The following YWHAE variants were observed in gnomAD, a reference collection of about 807,000 sequenced individuals.
YWHAE encodes tyrosine 3-monooxygenase/tryptophan 5-monooxygenase activation protein epsilon, also known as 14-3-3 protein epsilon.
Under a neutral mutation model 30.1 loss-of-function variants are expected in YWHAE, and 4 were observed. That is an observed-to-expected ratio of 0.13 (90% CI 0.07 to 0.30). YWHAE has a LOEUF of 0.30. YWHAE is among the 10% of genes least tolerant of loss of function. YWHAE has a pLI of 1.00. For missense variants in YWHAE, 121 were observed against 315.9 expected, an observed-to-expected ratio of 0.38 and a Z score of 4.68; for synonymous variants, 118 against 111.8, an observed-to-expected ratio of 1.06 and a Z score of -0.35.
chr17:1,371,088 G>C (rs1269795766), intron 1 of YWHAE, among the ~76,000 whole-genome samples: 1 of 151,758 alleles, frequency 6.6e-6, no homozygotes, highest in Non-Finnish European at 1.5e-5. Flanking sequence ...GTGTGTGGTA[G>C]TGTGTGTGTG....
intron 1 of YWHAE, among the ~76,000 whole-genome samples, chr17:1,389,082 T>C (rs930321878): frequency 4.6e-5 from 7 of 152,024 alleles, no homozygotes; most frequent in African/African-American, 1.5e-4. Flanking sequence ...CTTACCACCT[T>C]GGCCTCCCAA....
At chr17:1,381,853 C>CA (rs1464120454) in intron 1 of YWHAE, among the ~76,000 whole-genome samples, 1 of 138,788 alleles carries the variant, frequency 7.2e-6, no homozygotes, top group Non-Finnish European at 1.5e-5. Context: ...GTCAAGGCTG[C>CA]AGTGAGCCCA....
chr17:1,385,501 C>T (rs2073286608), intron 1 of YWHAE, among the ~76,000 whole-genome samples: 1 of 152,124 alleles, frequency 6.6e-6, no homozygotes, highest in South Asian at 2.1e-4. Context: ...ATCAGTGGTC[C>T]CCAACCTTTG....
intron 1 of YWHAE, among the ~76,000 whole-genome samples, chr17:1,389,427 C>A (rs2073356148): frequency 6.6e-6 from 1 of 152,134 alleles, no homozygotes; most frequent in South Asian, 2.1e-4. Context: ...TTATATTATG[C>A]CTTTAGAATC....
intron 1 of YWHAE, among the ~76,000 whole-genome samples, chr17:1,365,292 T>C (rs988998363): frequency 6.6e-6 from 1 of 152,096 alleles, no homozygotes; most frequent in African/African-American, 2.4e-5. Context: ...AGACTTCATA[T>C]ACTATCTAAT....
At chr17:1,361,443 ACT>A (rs963328779) in intron 3 of YWHAE, 145 bp from the exon 4 acceptor site, 8 of 608,040 alleles carry the variant, frequency 1.3e-5, no homozygotes, top group Admixed American at 3.7e-5. Context: ...AATTTTAAAC[ACT>A]CTCAGGAATA....
At chr17:1,394,761 G>A (rs541571479) in intron 1 of YWHAE, among the ~76,000 whole-genome samples, 6 of 152,136 alleles carry the variant, frequency 3.9e-5, no homozygotes, top group Non-Finnish European at 5.9e-5. Flanking sequence ...GAGGTCAGGA[G>A]TCAGAGATCA....
chr17:1,370,165 TCA>T (rs1567969689), intron 1 of YWHAE, among the ~76,000 whole-genome samples: 3 of 134,654 alleles, frequency 2.2e-5, no homozygotes, highest in Non-Finnish European at 4.6e-5. Context: ...TCTCGCTCTG[TCA>T]CCAGGCTGGA....
chr17:1,356,171 A>AACACAC (rs71148473), intron 4 of YWHAE, among the ~76,000 whole-genome samples: 11,216 of 142,790 alleles, frequency 0.079, 556 homozygotes, highest in East Asian at 0.14. Flanking sequence ...TCCGTCTAAA[A>AACACAC]ACACACACAC....
intron 5 of YWHAE, chr17:1,351,952 A>AT (rs11379881): frequency 0.69 from 100,175 of 146,002 alleles, 34,742 homozygotes; most frequent in African/African-American, 0.8. Flanking sequence ...TGCACCCGGC[A>AT]TTTTTTTTTT....
At chr17:1,378,978 AT>A (rs2073165440) in intron 1 of YWHAE, among the ~76,000 whole-genome samples, 6 of 152,036 alleles carry the variant, frequency 3.9e-5, no homozygotes, top group African/African-American at 1.4e-4. Flanking sequence ...ATTCAGTATG[AT>A]CCCCAAGAAA....
chr17:1,377,528 C>T (rs1223287179), intron 1 of YWHAE, among the ~76,000 whole-genome samples: 3 of 152,242 alleles, frequency 2.0e-5, no homozygotes, highest in Non-Finnish European at 4.4e-5. Context: ...ACAGGAAGAT[C>T]GCTTGAGCCC....
chr17:1,358,874 C>A (rs1180826504), intron 4 of YWHAE, among the ~76,000 whole-genome samples: 2 of 148,634 alleles, frequency 1.3e-5, no homozygotes, highest in African/African-American at 2.5e-5. Context: ...GTGGCTCACA[C>A]CTGTAATCCC....
chr17:1,362,615 T>G (rs1428106697), intron 2 of YWHAE, among the ~76,000 whole-genome samples: 2 of 151,920 alleles, frequency 1.3e-5, no homozygotes, highest in African/African-American at 4.8e-5. Flanking sequence ...CCCATCTCTA[T>G]CCACTGATCA....
In YWHAE at chr17:1,364,506, C is replaced by A. The variant is rs149124495; in HGVS notation, c.264+353G>T. ...CTCCCAAAGTGCTGGGATTACAGGC[C>A]TGAGCCACCGCGCCTGGCCAACCCA... On this transcript the variant is annotated intron_variant, in intron 2 of 5. Coordinates refer to ENST00000264335, the MANE Select transcript of YWHAE (RefSeq NM_006761.5). Among the ~76,000 whole-genome samples the A allele has an allele frequency of 6.1e-3, 934 of 152,148 alleles. 9 individuals are homozygous for A. Among genetic ancestry groups the A allele is most frequent in the African/African-American group, 0.021 (860 of 41,516 alleles).
chr17:1,398,572 G>GA (rs2073512212), intron 1 of YWHAE, among the ~76,000 whole-genome samples: 3 of 151,918 alleles, frequency 2.0e-5, no homozygotes, highest in Admixed American at 6.6e-5. Flanking sequence ...TTTTAATTAG[G>GA]AAAAAAATCT....
At chr17:1,356,216 A>ACACACACACACACACACACACAC (rs1567959079) in intron 4 of YWHAE, among the ~76,000 whole-genome samples, 1 of 138,584 alleles carries the variant, frequency 7.2e-6, no homozygotes, top group Non-Finnish European at 1.5e-5. Flanking sequence ...ACACACACAC[A>ACACACACACACACACACACACAC]AAATTAGCCG....
chr17:1,357,444 G>C (rs1399873134), intron 4 of YWHAE, among the ~76,000 whole-genome samples: 3 of 151,484 alleles, frequency 2.0e-5, no homozygotes, highest in African/African-American at 7.3e-5. Flanking sequence ...ACCGGGCGTG[G>C]TGGCGGGTGC....
At chr17:1,349,683 G>A (rs1013491361) in intron 5 of YWHAE, among the ~76,000 whole-genome samples, 1 of 149,660 alleles carries the variant, frequency 6.7e-6, no homozygotes, top group South Asian at 2.1e-4. Context: ...GTGCTATCTC[G>A]GCTCACTGCA....
Sources: gnomAD v4.1 joint callset for allele counts (sites outside exome capture counted in the v4.1 genomes callset) on GRCh38, gnomAD v4.1.1 for gene constraint, MANE v1.5 for transcripts, NCBI Gene and HGNC (gene_info 2026-07-23, HGNC 2026-07-21) for gene names.